MAOA: variants seen among roughly 807,000 people sequenced by gnomAD.
The protein encoded by MAOA is amine oxidase [flavin-containing] A.
A neutral mutation model predicts 42.0 loss-of-function variants in MAOA; 6 were observed. That is an observed-to-expected ratio of 0.14 (90% confidence interval 0.08 to 0.28). The LOEUF (loss-of-function observed/expected upper bound fraction) is 0.28, where lower values mean the gene tolerates loss of function less well. Among genes scored for constraint, MAOA ranks in the 10% least tolerant of loss-of-function variants. MAOA has a pLI of 1.00. For missense variants in MAOA, 262 were observed against 422.3 expected, an observed-to-expected ratio of 0.62 and a Z score of 3.33; for synonymous variants, 140 against 154.0, an observed-to-expected ratio of 0.91 and a Z score of 0.67.
chrX:43,702,746 C>T (rs1035529651), intron 3 of MAOA, among the ~76,000 whole-genome samples: 16 of 112,206 alleles, frequency 1.4e-4, no homozygotes, highest in Non-Finnish European at 2.8e-4. Flanking sequence ...ATTCCCATAG[C>T]TCTCCTGTAA....
At chrX:43,667,071 C>A (rs764436966) in intron 1 of MAOA, among the ~76,000 whole-genome samples, 38 of 109,725 alleles carry the variant, frequency 3.5e-4, no homozygotes, top group African/African-American at 8.0e-4. Context: ...GCACACCAAC[C>A]TGGTGCATGT....
intron 5 of MAOA, among the ~76,000 whole-genome samples, chrX:43,725,457 TAA>T (rs752251401): frequency 1.5e-4 from 17 of 111,831 alleles, no homozygotes; most frequent in Non-Finnish European, 2.8e-4. Flanking sequence ...TTTGTTCGTT[TAA>T]AGTCTGTTTT....
intron 1 of MAOA, among the ~76,000 whole-genome samples, chrX:43,674,030 A>G (rs2033364659): frequency 8.9e-6 from 1 of 112,499 alleles, no homozygotes; most frequent in Non-Finnish European, 1.9e-5. Context: ...TGATCTGTCT[A>G]ATGTTGACAG....
At chrX:43,674,349 T>C (rs1420615288) in intron 1 of MAOA, among the ~76,000 whole-genome samples, 29 of 110,665 alleles carry the variant, frequency 2.6e-4, no homozygotes, top group African/African-American at 9.5e-4. Flanking sequence ...TCTCTGCACG[T>C]GAGATGGGTT....
chrX:43,683,474 A>G, intron 1 of MAOA, 39 bp from the exon 2 acceptor site: 6 of 1,008,953 alleles, frequency 5.9e-6, no homozygotes, highest in Non-Finnish European at 7.0e-6. Context: ...GATTTTAAGC[A>G]TTTGAATGTT....
intron 5 of MAOA, among the ~76,000 whole-genome samples, chrX:43,718,687 C>T (rs1257442014): frequency 1.8e-5 from 2 of 109,085 alleles, no homozygotes; most frequent in African/African-American, 6.7e-5. Context: ...AGAGAGAAAG[C>T]ATGAATGGTG....
intron 1 of MAOA, among the ~76,000 whole-genome samples, chrX:43,665,290 G>T (rs1306805940): frequency 1.8e-5 from 2 of 111,540 alleles, no homozygotes; most frequent in Non-Finnish European, 3.8e-5. Context: ...TCTTTTTGCT[G>T]CAGGACTTCT....
At chrX:43,738,153 A>G (rs2033933932) in intron 10 of MAOA, among the ~76,000 whole-genome samples, 1 of 112,359 alleles carries the variant, frequency 8.9e-6, no homozygotes, top group Non-Finnish European at 1.9e-5. Flanking sequence ...TGATTATGAT[A>G]AGCAACCAGA....
At chrX:43,683,027 G>A (rs2033456304) in intron 1 of MAOA, among the ~76,000 whole-genome samples, 1 of 111,844 alleles carries the variant, frequency 8.9e-6, no homozygotes, top group South Asian at 3.7e-4. Flanking sequence ...GATCTAGCAA[G>A]CATGTAATCA....
upstream of MAOA, chrX:43,656,271 T>C (rs2033178482): frequency 4.0e-6 from 4 of 998,500 alleles, no homozygotes; most frequent in South Asian, 5.8e-5. Flanking sequence ...GGGGAGTTGA[T>C]AGAAGGGTCC....
chrX:43,683,733 C>G (rs781260873), intron 2 of MAOA, 126 bp downstream of exon 2: 1 of 509,893 alleles, frequency 2.0e-6, no homozygotes, highest in East Asian at 3.6e-5. Context: ...TCCTCCATAG[C>G]CCTAAAGTAC....
intron 3 of MAOA, among the ~76,000 whole-genome samples, chrX:43,703,359 G>A (rs933702275): frequency 4.5e-5 from 5 of 111,821 alleles, no homozygotes; most frequent in African/African-American, 6.5e-5. Flanking sequence ...GTCTTGTTAC[G>A]AGGAGGACGG....
At chrX:43,740,653 T>TA (rs766238924) in intron 10 of MAOA, 28 bp from the exon 11 acceptor site, 56 of 1,035,811 alleles carry the variant, frequency 5.4e-5, no homozygotes, top group Middle Eastern at 2.6e-4. Context: ...TAACTTTATT[T>TA]TTTTTTTTTT....
At chrX:43,692,840 C>G (rs188046540) in intron 2 of MAOA, among the ~76,000 whole-genome samples, 18 of 111,894 alleles carry the variant, frequency 1.6e-4, no homozygotes, top group African/African-American at 5.5e-4. Flanking sequence ...TCCTATGACG[C>G]ATTCTTTCCT....
chrX:43,657,949 G>A, intron 1 of MAOA: 2 of 747,387 alleles, frequency 2.7e-6, no homozygotes, highest in Non-Finnish European at 3.2e-6. Flanking sequence ...AGCATCAGAG[G>A]AAAGCAGCTC....
chrX:43,729,067 C>T, intron 6 of MAOA, among the ~76,000 whole-genome samples: 2 of 112,225 alleles, frequency 1.8e-5, no homozygotes, highest in Middle Eastern at 4.6e-3. Flanking sequence ...CTCTGAGTTC[C>T]TGAATTCTGA....
At chrX:43,677,788 C>T (rs1049158755) in intron 1 of MAOA, among the ~76,000 whole-genome samples, 1 of 111,769 alleles carries the variant, frequency 8.9e-6, no homozygotes, top group African/African-American at 3.3e-5. Context: ...CCTCTCTACT[C>T]TCATAGAAAA....
chrX:43,744,233 A>G (rs2033982488), intron 14 of MAOA, 62 bp downstream of exon 14: 2 of 1,131,650 alleles, frequency 1.8e-6, no homozygotes, highest in Non-Finnish European at 2.4e-6. Context: ...TAAAACTCAC[A>G]TCTCCCTTCT....
chrX:43,676,595 C>T (rs73633018), intron 1 of MAOA, among the ~76,000 whole-genome samples: 6,430 of 111,398 alleles, frequency 0.058, 496 homozygotes, highest in African/African-American at 0.2. Context: ...TGGCTGCCCT[C>T]CAGTCTCTGA....
Sources: gnomAD v4.1 joint callset for allele counts (sites outside exome capture counted in the v4.1 genomes callset) on GRCh38, gnomAD v4.1.1 for gene constraint, MANE v1.5 for transcripts, NCBI Gene and HGNC (gene_info 2026-07-23, HGNC 2026-07-21) for gene names.